The following MAP3K7 variants were observed in gnomAD, a reference collection of about 807,000 sequenced individuals.
The protein encoded by MAP3K7 is mitogen-activated protein kinase kinase kinase 7.
A neutral mutation model predicts 84.8 loss-of-function variants in MAP3K7; 21 were observed. The ratio of observed to expected loss-of-function variants is 0.25; its 90% CI spans 0.18 to 0.36. MAP3K7 has a LOEUF of 0.36. Among genes scored for constraint, MAP3K7 ranks in the 10% least tolerant of loss-of-function variants. The probability of loss-of-function intolerance (pLI) is 1.00; values close to 1 mark genes in which losing one functional copy is unlikely to be tolerated. For missense variants in MAP3K7, 503 were observed against 747.7 expected (o/e 0.67, Z 3.82); for synonymous variants, 241 against 247.7 (o/e 0.97, Z 0.25).
intron 7 of MAP3K7, 72 bp downstream of exon 7, chr6:90,553,386 G>A (rs1776240300): frequency 3.7e-6 from 5 of 1,357,578 alleles, no homozygotes; most frequent in South Asian, 1.3e-5. Context: ...ATTCTTTAGG[G>A]AAGGGGACAG....
rs144187044 is a variant in MAP3K7, at chr6:90,516,065, C to T, written c.*436G>A. The T allele has an allele frequency of 6.0e-5, 11 of 184,456 alleles. No homozygotes were observed. The highest frequency in any genetic ancestry group is 1.8e-4 in the Admixed American group (3 of 16,930). The allele number at this position is 184,456 out of a possible 1,614,324, so 11.4% of individuals were successfully genotyped here. A position where few individuals can be genotyped will look rare whatever the true frequency, so the allele number is the denominator to read the frequency against. The stretch of plus-strand genomic sequence containing the variant: ...ACCCTGTCTTTAACTTGGTATATAC[C>T]ATCTTTTGGGAAAAAAATTATTAAT... On this transcript the variant is annotated 3_prime_UTR_variant, in exon 17 of 17. Transcript: ENST00000369329.
chr6:90,583,347 C>T (rs1417656414), intron 1 of MAP3K7, among the ~76,000 whole-genome samples: 1 of 152,150 alleles, frequency 6.6e-6, no homozygotes, highest in Non-Finnish European at 1.5e-5. Context: ...CACTGTAAAT[C>T]CAGTGGAAAG....
chr6:90,565,316 C>A (rs1776665621), intron 3 of MAP3K7, among the ~76,000 whole-genome samples: 3 of 151,736 alleles, frequency 2.0e-5, no homozygotes, highest in Admixed American at 6.6e-5. Context: ...AGACCACTAG[C>A]AAGACTAATA....
At chr6:90,544,974 G>A (rs146191600) in intron 11 of MAP3K7, among the ~76,000 whole-genome samples, 272 of 152,082 alleles carry the variant, frequency 1.8e-3, no homozygotes, top group East Asian at 8.3e-3. Context: ...ATGGGGGTGG[G>A]GGAACGAAGG....
chr6:90,533,513 A>G (rs1775573429), intron 13 of MAP3K7, among the ~76,000 whole-genome samples: 1 of 152,194 alleles, frequency 6.6e-6, no homozygotes, highest in Admixed American at 6.5e-5. Flanking sequence ...AGCAAGGGCA[A>G]TTCCACAGGG....
chr6:90,547,209 A>T lies in MAP3K7; in HGVS notation c.1210+49T>A, dbSNP rs2273567. The T allele has an allele frequency of 0.31, 497,441 of 1,594,304 alleles. 80,560 individuals carry two copies. Among genetic ancestry groups the T allele is most frequent in the South Asian group, 0.42 (37,088 of 87,880 alleles). ...TTGACAACTGAAACTACCATGGCCA[A>T]AAAGGCTTATATACATTTTCACTCT... On this transcript the variant is annotated intron_variant, in intron 11 of 16. Coordinates refer to ENST00000369329, the MANE Select transcript of MAP3K7 (RefSeq NM_145331.3).
At chr6:90,568,232 C>A (rs185946424) in intron 3 of MAP3K7, among the ~76,000 whole-genome samples, 1 of 151,870 alleles carries the variant, frequency 6.6e-6, no homozygotes, top group East Asian at 1.9e-4. Context: ...ATATCAAAAA[C>A]AAGTAAGTAA....
In MAP3K7 at chr6:90,544,464, A is replaced by C. The variant is rs556847811; in HGVS notation, c.1291+88T>G. ...AAGGTATCCATTTTCATGTCTTGTA[A>C]AAATTGGAGCAAGAAGCATTTTACA... On this transcript the variant is annotated intron_variant, in intron 12 of 16. Transcript: ENST00000369329. 3 of 1,162,708 alleles carry C rather than the reference A, an allele frequency of 2.6e-6. No individual in the cohort carries two copies. In the East Asian group the frequency reaches 7.1e-5, roughly 27 times the overall value. The allele number at this position is 1,162,708 out of a possible 1,614,324, so 72.0% of individuals were successfully genotyped here.
rs75040506 is a variant in MAP3K7, at chr6:90,525,098, G to T, written c.1357-1315C>A. ...ATAAATGTAAATGAATTACTCTCCA[G>T]TTAAGATATTTAAAAAAAAATCAGA... On this transcript the variant is annotated intron_variant, in intron 13 of 16. Coordinates refer to ENST00000369329, the MANE Select transcript of MAP3K7 (RefSeq NM_145331.3). Among the ~76,000 whole-genome samples the T allele has an allele frequency of 0.012, 1,753 of 151,562 alleles. 90 individuals are homozygous for T. In the East Asian group the frequency reaches 0.2, roughly 17 times the overall value.
intron 1 of MAP3K7, among the ~76,000 whole-genome samples, chr6:90,578,793 G>A (rs764699367): frequency 1.1e-4 from 16 of 152,066 alleles, no homozygotes; most frequent in Non-Finnish European, 2.4e-4. Flanking sequence ...AAGCTTCCCA[G>A]GGCATTCCAA....
intron 3 of MAP3K7, among the ~76,000 whole-genome samples, chr6:90,565,606 G>A (rs1308490915): frequency 6.6e-6 from 1 of 152,082 alleles, no homozygotes; most frequent in African/African-American, 2.4e-5. Context: ...AGGACCAGAT[G>A]GATTCACAGC....
At chr6:90,569,004 C>CA (rs1776810176) in intron 2 of MAP3K7, among the ~76,000 whole-genome samples, 1 of 152,124 alleles carries the variant, frequency 6.6e-6, no homozygotes, top group African/African-American at 2.4e-5. Context: ...TTATCCAAAC[C>CA]AGACGTCATG....
chr6:90,556,474 A>C (rs1776342381), intron 6 of MAP3K7, 26 bp downstream of exon 6: 1 of 1,604,072 alleles, frequency 6.2e-7, no homozygotes, highest in African/African-American at 1.3e-5. Context: ...GAGATTATCA[A>C]ACATACCATA....
intron 4 of MAP3K7, 26 bp from the exon 5 acceptor site, chr6:90,560,240 A>T (rs186665643): frequency 9.9e-6 from 16 of 1,613,628 alleles, no homozygotes; most frequent in Admixed American, 1.7e-5. Flanking sequence ...ACAAACTAAA[A>T]AGAACTTTAT....
intron 10 of MAP3K7, among the ~76,000 whole-genome samples, chr6:90,547,755 G>A (rs145129036): frequency 5.4e-3 from 822 of 152,206 alleles, no homozygotes; most frequent in Non-Finnish European, 9.0e-3. Context: ...ACTGGGCAGC[G>A]CAGCCAAAAT....
At chr6:90,520,801 T>C (rs991264165) in intron 14 of MAP3K7, among the ~76,000 whole-genome samples, 3 of 152,118 alleles carry the variant, frequency 2.0e-5, no homozygotes, top group African/African-American at 7.2e-5. Flanking sequence ...CCAACAGTGG[T>C]TTCAAACTAC....
At chr6:90,532,269 C>T (rs1411144669) in intron 13 of MAP3K7, among the ~76,000 whole-genome samples, 2 of 152,116 alleles carry the variant, frequency 1.3e-5, no homozygotes, top group Non-Finnish European at 2.9e-5. Flanking sequence ...TTACTTCTTT[C>T]CAAGTGCTAT....
intron 13 of MAP3K7, among the ~76,000 whole-genome samples, chr6:90,529,685 C>T (rs530940887): frequency 4.6e-5 from 7 of 152,292 alleles, no homozygotes; most frequent in Admixed American, 4.6e-4. Flanking sequence ...AATGTCTTCA[C>T]ACGAGATTTT....
In MAP3K7 at chr6:90,584,242, C is replaced by A. The variant is rs1355629069; in HGVS notation, c.120+2522G>T. The stretch of plus-strand genomic sequence containing the variant: ...GAACTGGAAGTGTAATCTAAGTTGA[C>A]AAATAGCTAATAAGTGTTCATGGTT... On this transcript the variant is annotated intron_variant, in intron 1 of 16. Coordinates refer to ENST00000369329, the MANE Select transcript of MAP3K7 (RefSeq NM_145331.3). 2.0e-5 allele frequency among the ~76,000 whole-genome samples: 3 copies of A among 152,048 alleles called. No individual in the cohort carries two copies. The East Asian group carries it at 5.8e-4, about 29-fold the overall frequency.
Sources: allele counts gnomAD v4.1 joint callset (sites outside exome capture counted in the v4.1 genomes callset), GRCh38; gene constraint gnomAD v4.1.1; transcripts MANE v1.5; gene names NCBI Gene and HGNC (gene_info 2026-07-23, HGNC 2026-07-21).